KCNIP1: variants seen among roughly 807,000 people sequenced by gnomAD.
KCNIP1 encodes the protein A-type potassium channel modulatory protein KCNIP1.
KCNIP1 carries 18 observed loss-of-function variants against 33.0 expected under a neutral mutation model. The ratio of observed to expected loss-of-function variants is 0.55; its 90% CI spans 0.38 to 0.81. The LOEUF (loss-of-function observed/expected upper bound fraction) is 0.81, where lower values mean the gene tolerates loss of function less well. Ranked by LOEUF, KCNIP1 falls within the 30% of genes least tolerant of loss-of-function variation. The pLI, the probability that KCNIP1 is intolerant of heterozygous loss-of-function variation, is 0.00. For missense variants in KCNIP1, 238 were observed against 271.6 expected, an observed-to-expected ratio of 0.88 and a Z score of 0.87; for synonymous variants, 93 against 98.3, an observed-to-expected ratio of 0.95 and a Z score of 0.32.
At chr5:170,465,545 G>A (rs570062487) in intron 1 of KCNIP1, among the ~76,000 whole-genome samples, 3 of 152,254 alleles carry the variant, frequency 2.0e-5, no homozygotes, top group East Asian at 1.9e-4. Flanking sequence ...AGGTTCTGAC[G>A]ACACTGAAGA....
intron 1 of KCNIP1, among the ~76,000 whole-genome samples, chr5:170,478,608 G>A (rs553932257): frequency 6.6e-6 from 1 of 152,262 alleles, no homozygotes; most frequent in African/African-American, 2.4e-5. Context: ...TTTCCCCGGG[G>A]AACCATCTCT....
At chr5:170,676,371 C>T (rs1001824051) in intron 1 of KCNIP1, among the ~76,000 whole-genome samples, 3 of 152,188 alleles carry the variant, frequency 2.0e-5, no homozygotes, top group African/African-American at 7.2e-5. Context: ...ATCATTTTCC[C>T]ATTTTCGTCA....
intron 1 of KCNIP1, among the ~76,000 whole-genome samples, chr5:170,435,485 C>A (rs60629514): frequency 6.6e-6 from 1 of 152,186 alleles, no homozygotes; most frequent in Non-Finnish European, 1.5e-5. Flanking sequence ...ATCTGGAGAG[C>A]GGGGCTGGAC....
chr5:170,624,628 C>T (rs1367720672), intron 1 of KCNIP1, among the ~76,000 whole-genome samples: 1 of 151,334 alleles, frequency 6.6e-6, no homozygotes, highest in African/African-American at 2.4e-5. Context: ...GCAGTTTAAA[C>T]GTTTCGCCTG....
chr5:170,362,192 T>C (rs1242169181), intron 1 of KCNIP1, among the ~76,000 whole-genome samples: 1 of 152,072 alleles, frequency 6.6e-6, no homozygotes, highest in Non-Finnish European at 1.5e-5. Context: ...AAGAGCGAGC[T>C]TCAGACGGGG....
intron 1 of KCNIP1, among the ~76,000 whole-genome samples, chr5:170,646,165 T>A (rs1581441030): frequency 6.6e-6 from 1 of 152,070 alleles, no homozygotes; most frequent in African/African-American, 2.4e-5. Context: ...TAACAAATAT[T>A]TAAGGAAGAA....
intron 1 of KCNIP1, among the ~76,000 whole-genome samples, chr5:170,365,391 G>A (rs1165455745): frequency 1.3e-5 from 2 of 152,212 alleles, no homozygotes; most frequent in Non-Finnish European, 2.9e-5. Context: ...CTGCATCCAG[G>A]ACATGAGGGG....
Position 170,547,677 on chromosome 5 carries a change from A to G in KCNIP1, c.61+43044A>G, listed in dbSNP as rs111611023. Among the ~76,000 whole-genome samples the G allele has an allele frequency of 9.3e-3, 1,422 of 152,256 alleles. 18 individuals carry two copies. Among genetic ancestry groups the G allele is most frequent in the Non-Finnish European group, 0.013 (873 of 68,020 alleles). On this transcript the variant is annotated intron_variant, in intron 1 of 7. Coordinates refer to ENST00000328939, the MANE Select transcript of KCNIP1 (RefSeq NM_014592.4). ...GCTAAGGATAATGGCCTCCAGCTCC[A>G]TCCATGTTCCTGCAAAGGACATAAT...
chr5:170,685,150 A>C (rs1446312835), intron 1 of KCNIP1, among the ~76,000 whole-genome samples: 5 of 151,946 alleles, frequency 3.3e-5, no homozygotes, highest in Non-Finnish European at 7.4e-5. Flanking sequence ...TGGCCCTAAG[A>C]CTTTTCTGTT....
At chr5:170,603,036 G>T (rs2113592424) in intron 1 of KCNIP1, among the ~76,000 whole-genome samples, 1 of 152,360 alleles carries the variant, frequency 6.6e-6, no homozygotes, top group African/African-American at 2.4e-5. Context: ...AGGACCAGGG[G>T]CTAGGCCCCA....
chr5:170,508,164 G>A (rs573448178), intron 1 of KCNIP1, among the ~76,000 whole-genome samples: 148 of 152,290 alleles, frequency 9.7e-4, no homozygotes, highest in Middle Eastern at 3.4e-3. Flanking sequence ...CACACTACAG[G>A]GGTGGCTGGG....
chr5:170,532,433 A>C (rs4640812), intron 1 of KCNIP1, among the ~76,000 whole-genome samples: 1 of 151,918 alleles, frequency 6.6e-6, no homozygotes, highest in Non-Finnish European at 1.5e-5. Context: ...GACTCCCCTC[A>C]TCTCAGATCA....
chr5:170,438,406 C>T (rs1374498123), intron 1 of KCNIP1, among the ~76,000 whole-genome samples: 1 of 152,224 alleles, frequency 6.6e-6, no homozygotes, highest in Non-Finnish European at 1.5e-5. Context: ...CTGTCCTAGG[C>T]TGAGGAGCTG....
intron 1 of KCNIP1, among the ~76,000 whole-genome samples, chr5:170,676,182 GA>G (rs1762135641): frequency 3.8e-5 from 2 of 53,000 alleles, no homozygotes; most frequent in Non-Finnish European, 7.9e-5. Context: ...GGAAGGAAAG[GA>G]AAGGAAAGGA....
chr5:170,624,529 A>G (rs1293521940), intron 1 of KCNIP1, among the ~76,000 whole-genome samples: 2 of 151,800 alleles, frequency 1.3e-5, no homozygotes, highest in East Asian at 1.9e-4. Flanking sequence ...ATTCTCCTAT[A>G]TTTCTGATCA....
intron 1 of KCNIP1, among the ~76,000 whole-genome samples, chr5:170,717,904 G>A (rs1251154832): frequency 6.6e-6 from 1 of 152,206 alleles, no homozygotes; most frequent in East Asian, 1.9e-4. Context: ...CTTGATTGGT[G>A]TAAGTTTATA....
chr5:170,627,526 AAAC>A (rs1479626466), intron 1 of KCNIP1, among the ~76,000 whole-genome samples: 4 of 152,324 alleles, frequency 2.6e-5, no homozygotes, highest in East Asian at 3.9e-4. Context: ...AGTCCCAAGA[AAAC>A]AACAAGGCTC....
chr5:170,735,185 T>C (rs1027267021), intron 7 of KCNIP1, among the ~76,000 whole-genome samples: 1 of 152,050 alleles, frequency 6.6e-6, no homozygotes, highest in Non-Finnish European at 1.5e-5. Flanking sequence ...CTTTGGGGGG[T>C]TTTCTTACTG....
chr5:170,659,411 C>T (rs1240860938), intron 1 of KCNIP1, among the ~76,000 whole-genome samples: 2 of 152,152 alleles, frequency 1.3e-5, no homozygotes, highest in African/African-American at 4.8e-5. Flanking sequence ...CTTCAAGAAT[C>T]TTGGCCTTTA....
Sources: allele counts gnomAD v4.1 joint callset (sites outside exome capture counted in the v4.1 genomes callset), GRCh38; gene constraint gnomAD v4.1.1; transcripts MANE v1.5; gene names NCBI Gene and HGNC (gene_info 2026-07-23, HGNC 2026-07-21).